The following IFT46 variants were observed in gnomAD, a reference collection of about 807,000 sequenced individuals.
IFT46 encodes intraflagellar transport 46, also known as intraflagellar transport protein 46 homolog.
IFT46 carries 19 observed loss-of-function variants against 39.6 expected under a neutral mutation model. That is an observed-to-expected ratio of 0.48 (90% CI 0.33 to 0.70). The LOEUF (loss-of-function observed/expected upper bound fraction) is 0.70. IFT46 is among the 30% of genes least tolerant of loss of function. The probability of loss-of-function intolerance (pLI) is 0.01; values close to 1 mark genes in which losing one functional copy is unlikely to be tolerated. For synonymous variants in IFT46, 117 were observed against 134.8 expected, an observed-to-expected ratio of 0.87 and a Z score of 0.91; for missense variants, 334 against 364.8, an observed-to-expected ratio of 0.92 and a Z score of 0.69.
intron 4 of IFT46, among the ~76,000 whole-genome samples, chr11:118,556,327 T>C (rs529875975): frequency 1.3e-5 from 2 of 152,096 alleles, no homozygotes; most frequent in East Asian, 1.9e-4. Context: ...TCGTCTCTAT[T>C]AAAAATACAA....
At chr11:118,551,497 G>A (rs565923091) in intron 9 of IFT46, among the ~76,000 whole-genome samples, 1 of 151,970 alleles carries the variant, frequency 6.6e-6, no homozygotes, top group African/African-American at 2.4e-5. Flanking sequence ...AACAAAGCAA[G>A]ACCTCGTCTC....
At chr11:118,556,099 T>C (rs1184100) in intron 4 of IFT46, among the ~76,000 whole-genome samples, 1 of 152,176 alleles carries the variant, frequency 6.6e-6, no homozygotes, top group African/African-American at 2.4e-5. Context: ...CATAGCTCAT[T>C]GCAGTCTCAA....
upstream of IFT46, chr11:118,573,655 G>T: frequency 1.4e-6 from 1 of 702,738 alleles, no homozygotes; most frequent in Non-Finnish European, 2.6e-6. Flanking sequence ...GTGTACCTGA[G>T]AGATGGCAGA....
At chr11:118,575,819 T>C (rs1938482972), upstream of IFT46, among the ~76,000 whole-genome samples, 1 of 152,188 alleles carries the variant, frequency 6.6e-6, no homozygotes, top group African/African-American at 2.4e-5. Flanking sequence ...ATACCACCTG[T>C]TATTCTTGTA....
intron 9 of IFT46, among the ~76,000 whole-genome samples, chr11:118,551,363 A>G (rs781989322): frequency 6.8e-6 from 1 of 147,570 alleles, no homozygotes; most frequent in Non-Finnish European, 1.5e-5. Flanking sequence ...ACAGAGAGAG[A>G]CTCCATCTCA....
At chr11:118,562,613 T>C (rs1938095858) in intron 2 of IFT46, among the ~76,000 whole-genome samples, 1 of 152,136 alleles carries the variant, frequency 6.6e-6, no homozygotes, top group South Asian at 2.1e-4. Flanking sequence ...GTCAAGAGCA[T>C]AAACACGCTC....
chr11:118,572,602 T>C (rs1555072654), exon 1 of IFT46: 1 of 1,590,092 alleles, frequency 6.3e-7, no homozygotes, highest in East Asian at 2.3e-5. Flanking sequence ...TCACCGTCTC[T>C]CCTTGTCGGC....
chr11:118,545,874 C>G, intron 9 of IFT46, 21 bp from the exon 10 acceptor site: 2 of 1,612,778 alleles, frequency 1.2e-6, no homozygotes, highest in Middle Eastern at 1.6e-4. Flanking sequence ...CATGGAAGGA[C>G]CAAAGTCAAA....
upstream of IFT46, among the ~76,000 whole-genome samples, chr11:118,576,030 A>T (rs1555073471): frequency 6.6e-6 from 1 of 152,022 alleles, no homozygotes; most frequent in African/African-American, 2.4e-5. Context: ...CAGAACTTTA[A>T]AGACACAGAG....
intron 2 of IFT46, among the ~76,000 whole-genome samples, chr11:118,564,219 G>A (rs754184716): frequency 5.3e-5 from 8 of 149,598 alleles, no homozygotes; most frequent in Admixed American, 2.7e-4. Context: ...AAAAAAAGTG[G>A]GTCTCCTTCC....
At position 118,559,787 on chromosome 11, in the gene IFT46, T is replaced by G; in HGVS notation, c.43A>C (p.Lys15Gln). The change falls in exon 3 of 12, where the codon AAG becomes CAG. Residue 15 changes from lysine (K) to glutamine (Q), a missense_variant and splice_region_variant. Transcript: ENST00000264021. Reference protein sequence around the residue: ...SSDECEEENNKEKKKTSQLTP... With the variant: ...SSDECEEENNQEKKKTSQLTP... Reference sequence around the variant, plus strand: ...AGAAGCTGTGAGTTTTACTGTACCTTGTTATTTTCCTCTTCACACTCATCA... The same window carrying G: ...AGAAGCTGTGAGTTTTACTGTACCTGGTTATTTTCCTCTTCACACTCATCA... 1.2e-6 allele frequency: 2 copies of G among 1,612,504 alleles called. No homozygotes were observed. The highest frequency in any genetic ancestry group is 1.7e-6 in the Non-Finnish European group (2 of 1,178,572).
At chr11:118,560,043 T>A in intron 2 of IFT46, 179 bp from the exon 3 acceptor site, 3 of 594,064 alleles carry the variant, frequency 5.0e-6, no homozygotes, top group East Asian at 5.8e-5. Flanking sequence ...ATTCAAGATA[T>A]ATTTACTAAA....
chr11:118,558,727 C>T (rs1340530730), intron 3 of IFT46, among the ~76,000 whole-genome samples: 1 of 151,324 alleles, frequency 6.6e-6, no homozygotes. Context: ...ACCAGTGTGG[C>T]CAACATGGCA....
At chr11:118,550,341 T>C (rs1951782394) in intron 9 of IFT46, among the ~76,000 whole-genome samples, 1 of 152,226 alleles carries the variant, frequency 6.6e-6, no homozygotes, top group South Asian at 2.1e-4. Context: ...ATAAGACACT[T>C]GAATTTTTTA....
intron 2 of IFT46, chr11:118,560,699 A>T (rs1555070439): frequency 1.7e-6 from 1 of 605,700 alleles, no homozygotes; most frequent in African/African-American, 1.8e-5. Context: ...AATGGGGTTT[A>T]TTAAAGTTGT....
Position 118,554,450 on chromosome 11 carries a change from G to A in IFT46, c.483+9C>T. The stretch of plus-strand genomic sequence containing the variant: ...TCCAGCTGGGGCCTATACTAAGCTA[G>A]TATCTTACTGTGATGTTGTGCTGCT... On this transcript the variant is annotated intron_variant, in intron 7 of 11. Transcript: ENST00000264021. 2 of 1,599,966 alleles carry A rather than the reference G, an allele frequency of 1.3e-6. No individual in the cohort carries two copies. Among genetic ancestry groups the A allele is most frequent in the Non-Finnish European group, 1.7e-6 (2 of 1,175,132 alleles).
At chr11:118,571,983 C>T (rs1482331276) in intron 1 of IFT46, among the ~76,000 whole-genome samples, 2 of 150,926 alleles carry the variant, frequency 1.3e-5, no homozygotes, top group Admixed American at 6.6e-5. Flanking sequence ...CCAGCTACTC[C>T]GGAGGCTGAG....
chr11:118,559,201 A>G (rs1937947464), intron 3 of IFT46, among the ~76,000 whole-genome samples: 1 of 151,820 alleles, frequency 6.6e-6, no homozygotes. Context: ...CATATGTGCA[A>G]CTCTAAGGTC....
intron 3 of IFT46, 132 bp downstream of exon 3, chr11:118,559,653 C>A: frequency 1.4e-6 from 1 of 728,044 alleles, no homozygotes; most frequent in Admixed American, 2.3e-5. Context: ...ACTGATTTTC[C>A]TCCATGAGCT....
Sources: allele counts gnomAD v4.1 joint callset (sites outside exome capture counted in the v4.1 genomes callset), GRCh38; gene constraint gnomAD v4.1.1; transcripts MANE v1.5; gene names NCBI Gene and HGNC (gene_info 2026-07-23, HGNC 2026-07-21).